MKX: variants seen among roughly 807,000 people sequenced by gnomAD.
MKX encodes homeobox protein Mohawk.
MKX carries 13 observed loss-of-function variants against 36.0 expected under a neutral mutation model. The observed-to-expected ratio is 0.36, with a 90% CI of 0.24 to 0.57. The LOEUF is 0.57. MKX is among the 20% of genes least tolerant of loss of function. The probability of loss-of-function intolerance (pLI) is 0.79; values close to 1 mark genes in which losing one functional copy is unlikely to be tolerated. For synonymous variants in MKX, 176 were observed against 178.3 expected (o/e 0.99, Z 0.10); for missense variants, 458 against 456.4 (o/e 1.00, Z -0.03).
At chr10:27,711,496 TTCTTTCCTTC>T (rs1258639349) in intron 5 of MKX, among the ~76,000 whole-genome samples, 135 of 89,696 alleles carry the variant, frequency 1.5e-3, no homozygotes, top group African/African-American at 4.4e-3. Context: ...TCTCTCTCTC[TTCTTTCCTTC>T]CTTCCTTCCT....
intron 3 of MKX, among the ~76,000 whole-genome samples, chr10:27,740,223 A>G (rs1834863467): frequency 6.6e-6 from 1 of 152,136 alleles, no homozygotes; most frequent in African/African-American, 2.4e-5. Flanking sequence ...AGCAATCTTT[A>G]TTTTATCCAC....
chr10:27,683,379 C>T (rs1163101637), intron 5 of MKX, among the ~76,000 whole-genome samples: 1 of 152,232 alleles, frequency 6.6e-6, no homozygotes, highest in African/African-American at 2.4e-5. Context: ...CATGCAGCCT[C>T]GGTATGCAGA....
intron 5 of MKX, among the ~76,000 whole-genome samples, chr10:27,728,679 C>A (rs1333962021): frequency 6.6e-6 from 1 of 152,186 alleles, no homozygotes; most frequent in African/African-American, 2.4e-5. Context: ...ATAAATTAAG[C>A]TTGAAGCCCA....
intron 5 of MKX, among the ~76,000 whole-genome samples, chr10:27,722,346 C>G (rs1431115217): frequency 6.6e-6 from 1 of 152,188 alleles, no homozygotes; most frequent in Non-Finnish European, 1.5e-5. Context: ...AAGTTCTGTT[C>G]TAATAGAGAC....
intron 5 of MKX, among the ~76,000 whole-genome samples, chr10:27,732,396 A>C (rs1834651390): frequency 6.6e-6 from 1 of 152,182 alleles, no homozygotes; most frequent in African/African-American, 2.4e-5. Flanking sequence ...CAATTTATTT[A>C]AATACACATT....
chr10:27,736,169 A>G (rs1310428022), intron 3 of MKX, among the ~76,000 whole-genome samples: 1 of 152,174 alleles, frequency 6.6e-6, no homozygotes, highest in Non-Finnish European at 1.5e-5. Flanking sequence ...AAGCAGGGTC[A>G]AGGGCCAAGC....
chr10:27,697,129 G>C (rs1836570144), intron 5 of MKX, among the ~76,000 whole-genome samples: 1 of 152,132 alleles, frequency 6.6e-6, no homozygotes, highest in African/African-American at 2.4e-5. Context: ...TTTACAAATA[G>C]GCTGACAATC....
intron 5 of MKX, among the ~76,000 whole-genome samples, chr10:27,684,944 T>C (rs544715108): frequency 1.3e-5 from 2 of 152,260 alleles, no homozygotes; most frequent in Non-Finnish European, 2.9e-5. Flanking sequence ...CTGCTGTTAA[T>C]ATTTATTGAA....
At chr10:27,711,420 C>CT (rs1218271993) in intron 5 of MKX, among the ~76,000 whole-genome samples, 4,670 of 140,730 alleles carry the variant, frequency 0.033, 92 homozygotes, top group East Asian at 0.1. Context: ...TTCTTTCTTT[C>CT]TTTCTTTTCT....
In MKX at chr10:27,675,081, T is replaced by G. The variant is rs1021259175; in HGVS notation, c.*148A>C. 1 of 628,644 alleles carries G rather than the reference T, an allele frequency of 1.6e-6. No homozygotes were observed. Among genetic ancestry groups the G allele is most frequent in the African/African-American group, 1.8e-5 (1 of 54,248 alleles). 38.9% of individuals were successfully genotyped at this position (628,644 alleles called of 1,614,324 possible). A position where few individuals can be genotyped will look rare whatever the true frequency, so the allele number is the denominator to read the frequency against. The stretch of plus-strand genomic sequence containing the variant: ...TTTTTTATAATTTATATGTCTTTTA[T>G]AGAAGCAACTAAATGATATATTTGG... On this transcript the variant is annotated 3_prime_UTR_variant, in exon 7 of 7. Transcript: ENST00000419761.
chr10:27,726,037 C>T (rs951193649), intron 5 of MKX, among the ~76,000 whole-genome samples: 3 of 152,132 alleles, frequency 2.0e-5, no homozygotes, highest in Non-Finnish European at 4.4e-5. Flanking sequence ...ACAAGCACTT[C>T]TGTGAAGCTG....
intron 3 of MKX, among the ~76,000 whole-genome samples, chr10:27,738,404 T>C (rs1246222290): frequency 6.6e-6 from 1 of 152,082 alleles, no homozygotes; most frequent in African/African-American, 2.4e-5. Flanking sequence ...TTTAATCTAC[T>C]ATGGATTCCT....
chr10:27,690,791 G>C (rs953944003), intron 5 of MKX, among the ~76,000 whole-genome samples: 1 of 152,118 alleles, frequency 6.6e-6, no homozygotes, highest in Admixed American at 6.5e-5. Flanking sequence ...GGTCTCTCCT[G>C]TCATACCTTA....
chr10:27,686,853 C>T (rs1480700260), intron 5 of MKX, among the ~76,000 whole-genome samples: 1 of 152,198 alleles, frequency 6.6e-6, no homozygotes, highest in African/African-American at 2.4e-5. Flanking sequence ...ATTTTCCTTT[C>T]TGCCACCCCT....
chr10:27,737,144 C>T (rs193301145), intron 3 of MKX, among the ~76,000 whole-genome samples: 22 of 152,284 alleles, frequency 1.4e-4, no homozygotes, highest in Admixed American at 7.8e-4. Context: ...TGTGGAAGCA[C>T]AAGGAGCCTG....
intron 5 of MKX, among the ~76,000 whole-genome samples, chr10:27,677,637 T>C (rs905151215): frequency 2.0e-5 from 3 of 152,160 alleles, no homozygotes; most frequent in Non-Finnish European, 4.4e-5. Flanking sequence ...TGGGTCACTC[T>C]GAGCTCTTTT....
intron 5 of MKX, among the ~76,000 whole-genome samples, chr10:27,708,527 C>T (rs1398201831): frequency 6.6e-6 from 1 of 152,056 alleles, no homozygotes; most frequent in African/African-American, 2.4e-5. Flanking sequence ...GTCAGGAGAT[C>T]GAGACCATTC....
At chr10:27,735,956 G>C (rs1834761646) in intron 3 of MKX, among the ~76,000 whole-genome samples, 2 of 152,230 alleles carry the variant, frequency 1.3e-5, no homozygotes, top group Non-Finnish European at 2.9e-5. Flanking sequence ...GAGAAGGGTA[G>C]TGCATTTGGG....
At chr10:27,684,899 C>T (rs1431832359) in intron 5 of MKX, among the ~76,000 whole-genome samples, 4 of 152,208 alleles carry the variant, frequency 2.6e-5, no homozygotes, top group African/African-American at 4.8e-5. Context: ...ATGCACAGTT[C>T]ACAATAGGGT....
Sources: allele counts gnomAD v4.1 joint callset (sites outside exome capture counted in the v4.1 genomes callset), GRCh38; gene constraint gnomAD v4.1.1; transcripts MANE v1.5; gene names NCBI Gene and HGNC (gene_info 2026-07-23, HGNC 2026-07-21).